CTNNA3: variants seen among roughly 807,000 people sequenced by gnomAD.
CTNNA3 encodes the protein catenin alpha-3.
Under a neutral mutation model 95.7 loss-of-function variants are expected in CTNNA3, and 76 were observed. That is an observed-to-expected ratio of 0.79 (90% CI 0.66 to 0.96). The LOEUF (loss-of-function observed/expected upper bound fraction) is 0.96. CTNNA3 is among the 40% of genes least tolerant of loss of function. CTNNA3 has a pLI of 0.00. For missense variants in CTNNA3, 1,191 were observed against 1,089.8 expected (o/e 1.09, Z -1.31); for synonymous variants, 431 against 374.4 (o/e 1.15, Z -1.74).
intron 5 of CTNNA3, among the ~76,000 whole-genome samples, chr10:67,437,179 G>A (rs1846331531): frequency 6.6e-6 from 1 of 152,158 alleles, no homozygotes; most frequent in Admixed American, 6.5e-5. Context: ...CAGCGACCTG[G>A]ATGAGATTGG....
At chr10:67,685,458 CATCT>C (rs1235563535) in intron 1 of CTNNA3, among the ~76,000 whole-genome samples, 1 of 152,206 alleles carries the variant, frequency 6.6e-6, no homozygotes, top group Non-Finnish European at 1.5e-5. Context: ...CAGGAGGAAC[CATCT>C]ATCGTCCTGT....
At chr10:66,088,485 T>G (rs1322038683) in intron 14 of CTNNA3, among the ~76,000 whole-genome samples, 1 of 139,656 alleles carries the variant, frequency 7.2e-6, no homozygotes, top group South Asian at 2.4e-4. Context: ...GGTAGGTGTT[T>G]TGTGTGTGTG....
Position 66,197,770 on chromosome 10 carries a change from G to C in CTNNA3, c.1884+82700C>G, listed in dbSNP as rs538525183. 8.3e-3 allele frequency among the ~76,000 whole-genome samples: 1,256 copies of C among 152,114 alleles called. 6 individuals carry two copies. The highest frequency in any genetic ancestry group is 0.037 in the Middle Eastern group (11 of 294). On this transcript the variant is annotated intron_variant, in intron 13 of 17. Transcript: ENST00000433211. ...TGGAAATAAAAGCAAGACTAGTAAA[G>C]GCCAGCTGTTTTATGGTGCGCTGTT...
At chr10:66,545,111 C>T (rs1044989209) in intron 10 of CTNNA3, among the ~76,000 whole-genome samples, 2 of 151,874 alleles carry the variant, frequency 1.3e-5, no homozygotes, top group African/African-American at 4.8e-5. Context: ...TTCTTTTAAG[C>T]TTTCATATGG....
intron 5 of CTNNA3, among the ~76,000 whole-genome samples, chr10:67,484,136 G>A (rs1240658554): frequency 6.6e-6 from 1 of 152,136 alleles, no homozygotes; most frequent in Non-Finnish European, 1.5e-5. Context: ...CAGTCACATA[G>A]ACCAATGTAA....
At chr10:66,139,947 T>C (rs1042314944) in intron 13 of CTNNA3, among the ~76,000 whole-genome samples, 1 of 152,220 alleles carries the variant, frequency 6.6e-6, no homozygotes, top group Non-Finnish European at 1.5e-5. Flanking sequence ...ACTGGGTATG[T>C]GGCAATGGGG....
At chr10:67,170,895 C>G (rs1052601826) in intron 7 of CTNNA3, among the ~76,000 whole-genome samples, 2 of 152,136 alleles carry the variant, frequency 1.3e-5, no homozygotes, top group Non-Finnish European at 2.9e-5. Context: ...TCCAGCTACA[C>G]TATAAATGTA....
chr10:66,487,395 G>T (rs1839775427), intron 11 of CTNNA3, among the ~76,000 whole-genome samples: 2 of 151,466 alleles, frequency 1.3e-5, no homozygotes, highest in Non-Finnish European at 2.9e-5. Context: ...TAGTGACGGG[G>T]TTTCACCGTA....
At chr10:66,676,165 T>C (rs892590658) in intron 9 of CTNNA3, among the ~76,000 whole-genome samples, 2 of 120,740 alleles carry the variant, frequency 1.7e-5, no homozygotes, top group Non-Finnish European at 3.7e-5. Context: ...GGTTGTGAAA[T>C]GGACTGGGGG....
chr10:67,197,708 G>C (rs1417080162), intron 6 of CTNNA3, among the ~76,000 whole-genome samples: 1 of 152,012 alleles, frequency 6.6e-6, no homozygotes, highest in Non-Finnish European at 1.5e-5. Context: ...GATGTTCTTG[G>C]TATGAAAAGA....
At chr10:67,249,804 C>G (rs1471430325) in intron 5 of CTNNA3, among the ~76,000 whole-genome samples, 2 of 152,182 alleles carry the variant, frequency 1.3e-5, no homozygotes, top group African/African-American at 4.8e-5. Flanking sequence ...CATACCCACA[C>G]TCATTCATAC....
intron 11 of CTNNA3, among the ~76,000 whole-genome samples, chr10:66,497,663 A>AT (rs1223586271): frequency 6.6e-6 from 1 of 152,090 alleles, no homozygotes; most frequent in Non-Finnish European, 1.5e-5. Flanking sequence ...GACATGGCAT[A>AT]TTTTGTATTT....
intron 9 of CTNNA3, among the ~76,000 whole-genome samples, chr10:66,710,447 A>G (rs1459320979): frequency 2.0e-5 from 3 of 152,018 alleles, no homozygotes; most frequent in Admixed American, 6.6e-5. Context: ...ACTTTTATCT[A>G]TCATTAATGA....
chr10:67,542,124 T>C (rs1840701721), intron 3 of CTNNA3, among the ~76,000 whole-genome samples: 2 of 152,066 alleles, frequency 1.3e-5, no homozygotes, highest in South Asian at 2.1e-4. Context: ...ACTCCCAAAA[T>C]ACATTAATAA....
intron 5 of CTNNA3, among the ~76,000 whole-genome samples, chr10:67,455,352 A>G (rs997071238): frequency 6.6e-6 from 1 of 152,196 alleles, no homozygotes; most frequent in Non-Finnish European, 1.5e-5. Context: ...AAAGAAAAAT[A>G]AAATCCCAAT....
At chr10:66,967,121 T>C (rs1196750322) in intron 7 of CTNNA3, among the ~76,000 whole-genome samples, 1 of 152,078 alleles carries the variant, frequency 6.6e-6, no homozygotes, top group African/African-American at 2.4e-5. Context: ...GTTCTGCTAA[T>C]GAAACAATGG....
At chr10:67,269,858 C>T (rs1277620732) in intron 5 of CTNNA3, among the ~76,000 whole-genome samples, 3 of 152,056 alleles carry the variant, frequency 2.0e-5, no homozygotes, top group African/African-American at 7.2e-5. Context: ...AAAAGCAGCA[C>T]TGCTAAAAGT....
chr10:66,009,488 C>T (rs2078963619), intron 15 of CTNNA3, among the ~76,000 whole-genome samples: 1 of 152,036 alleles, frequency 6.6e-6, no homozygotes, highest in Admixed American at 6.6e-5. Context: ...ACATTAAATC[C>T]TGGGAAGGCT....
Position 66,391,587 on chromosome 10 carries a change from A to T in CTNNA3, c.1532-12235T>A, listed in dbSNP as rs141817577. ...AACTCTGTAAGAGTTAATGCTCTTTAAAAAAAAATTTGATGACCATGTAAA... is the reference window on the plus strand; with the variant it reads ...AACTCTGTAAGAGTTAATGCTCTTTTAAAAAAAATTTGATGACCATGTAAA... On this transcript the variant is annotated intron_variant, in intron 11 of 17. Coordinates refer to ENST00000433211, the MANE Select transcript of CTNNA3 (RefSeq NM_013266.4). Among the ~76,000 whole-genome samples the T allele has an allele frequency of 1.2e-3, 186 of 151,664 alleles. 1 individual carries two copies. The highest frequency in any genetic ancestry group is 4.2e-3 in the African/African-American group (174 of 41,422).
Sources: allele counts gnomAD v4.1 joint callset (sites outside exome capture counted in the v4.1 genomes callset), GRCh38; gene constraint gnomAD v4.1.1; transcripts MANE v1.5; gene names NCBI Gene and HGNC (gene_info 2026-07-23, HGNC 2026-07-21).